Variants in DPP9 observed in about 807,000 individuals in gnomAD.
The protein encoded by DPP9 is dipeptidyl peptidase 9.
Under a neutral mutation model 110.7 loss-of-function variants are expected in DPP9, and 50 were observed. That is an observed-to-expected ratio of 0.45 (90% CI 0.36 to 0.57). DPP9 has a LOEUF of 0.57. DPP9 is among the 20% of genes least tolerant of loss of function. The probability of loss-of-function intolerance (pLI) is 0.00; values close to 1 mark genes in which losing one functional copy is unlikely to be tolerated. For missense variants in DPP9, 1,022 were observed against 1,217.9 expected (o/e 0.84, Z 2.39); for synonymous variants, 561 against 514.4 (o/e 1.09, Z -1.23).
chr19:4,689,573 G>A lies in DPP9; in HGVS notation c.1746C>T (p.Ser582=). 6.4e-7 allele frequency: 1 copy of A among 1,560,464 alleles called. No homozygotes were observed. Among genetic ancestry groups the A allele is most frequent in the Non-Finnish European group, 8.7e-7 (1 of 1,155,560 alleles). ...TPGFSHSCSM[S]QNFDMFVSHY... is the part of the protein sequence containing the mutation. ...CCGTGAGGCTGGGCGGTCCCACCTGGCTCATGGAGCAGCTATGGGAGAAGC... is the reference window on the plus strand; with the variant it reads ...CCGTGAGGCTGGGCGGTCCCACCTGACTCATGGAGCAGCTATGGGAGAAGC... The change falls in exon 15 of 22, where the codon AGC becomes AGT. Residue 582 remains serine (S), a synonymous_variant. Transcript: ENST00000262960. This position sits in a 1 kb window ranked among gnomAD's most constrained non-coding sequence, Gnocchi z 7.0.
chr19:4,697,907 G>C (rs1249493812), intron 10 of DPP9, among the ~76,000 whole-genome samples: 1 of 152,182 alleles, frequency 6.6e-6, no homozygotes, highest in Non-Finnish European at 1.5e-5. Flanking sequence ...CATAGACATA[G>C]ACACATAGAG....
chr19:4,682,910 C>T lies in DPP9; in HGVS notation c.2332-72G>A. On this transcript the variant is annotated intron_variant, in intron 19 of 21. Transcript: ENST00000262960. This position sits in a 1 kb window ranked among gnomAD's most constrained non-coding sequence, Gnocchi z 7.1. The stretch of plus-strand genomic sequence containing the variant: ...AGGCGTCGGGTCCTACAGCCAGCAT[C>T]AGCCGCTGTCCCGGGGCCGCCCTGG... 3 of 1,540,592 alleles carry T rather than the reference C, an allele frequency of 1.9e-6. No homozygotes were observed. Among genetic ancestry groups the T allele is most frequent in the Non-Finnish European group, 1.7e-6 (2 of 1,146,716 alleles).
intron 4 of DPP9, among the ~76,000 whole-genome samples, chr19:4,708,419 G>C (rs530084345): frequency 2.0e-5 from 3 of 152,198 alleles, no homozygotes; most frequent in Non-Finnish European, 4.4e-5. Context: ...GGACGGTTCA[G>C]GGCACTCCCT....
rs1449029569 is a variant in DPP9 at position 4,710,466 on chromosome 19, C to G, written c.313+3615G>C. ...TGCAGTCTGAGGCCTGGAACCTGAG[C>G]CGGCCCCAGCCCATCTTCCCAGCAG... is the stretch of plus-strand genomic sequence containing the variant. On this transcript the variant is annotated intron_variant, in intron 4 of 21. Transcript: ENST00000262960. This position sits in a 1 kb window ranked among gnomAD's most constrained non-coding sequence, Gnocchi z 5.6. Among the ~76,000 whole-genome samples the G allele has an allele frequency of 6.6e-6, 1 of 152,190 alleles. No individual in the cohort carries two copies. The highest frequency in any genetic ancestry group is 2.4e-5 in the African/African-American group (1 of 41,446).
At position 4,700,189 on chromosome 19, in the gene DPP9, T is replaced by G; in HGVS notation, c.1074+27A>C. The stretch of plus-strand genomic sequence containing the variant: ...CCCTTCCCCGCATCATCTAGTAGAT[T>G]ATCTGGTATGCAGCAGGCCCCCTTA... On this transcript the variant is annotated intron_variant, in intron 10 of 21. Coordinates refer to ENST00000262960, the MANE Select transcript of DPP9 (RefSeq NM_139159.5). This position sits in a 1 kb window ranked among gnomAD's most constrained non-coding sequence, Gnocchi z 4.3. 6.5e-7 allele frequency: 1 copy of G among 1,526,824 alleles called. No individual in the cohort carries two copies. The highest frequency in any genetic ancestry group is 1.2e-5 in the South Asian group (1 of 82,644). The allele number at this position is 1,526,824 out of a possible 1,614,324, so 94.6% of individuals were successfully genotyped here.
At position 4,689,267 on chromosome 19, in the gene DPP9, A is replaced by G. The variant is rs997680082; in HGVS notation, c.1749+303T>C. 6.6e-6 allele frequency among the ~76,000 whole-genome samples: 1 copy of G among 152,154 alleles called. No individual in the cohort carries two copies. The highest frequency in any genetic ancestry group is 1.5e-5 in the Non-Finnish European group (1 of 68,008). ...GCCCTCTGCATGGCCACCGCCTGAC[A>G]TTCTAGAATGTTCTGAGAGGCTAAG... On this transcript the variant is annotated intron_variant, in intron 15 of 21. Transcript: ENST00000262960. The surrounding 1 kb of genome is among the most constrained non-coding windows in gnomAD (Gnocchi z 7.0).
rs2090486199 is a variant in DPP9, at chr19:4,685,028, G to A, written c.2032-219C>T. On this transcript the variant is annotated intron_variant, in intron 17 of 21. Coordinates refer to ENST00000262960, the MANE Select transcript of DPP9 (RefSeq NM_139159.5). The surrounding 1 kb of genome is among the most constrained non-coding windows in gnomAD (Gnocchi z 5.8). Reference sequence around the variant, plus strand: ...AGGGAGGGGGAAGGGCCACTGTCAGGCTCTTTCTCAGCTGGGCCACTGCCC... The same window carrying A: ...AGGGAGGGGGAAGGGCCACTGTCAGACTCTTTCTCAGCTGGGCCACTGCCC... 2 of 688,440 alleles carry A rather than the reference G, an allele frequency of 2.9e-6. No homozygotes were observed. The highest frequency in any genetic ancestry group is 1.5e-5 in the South Asian group (1 of 66,658). The allele number at this position is 688,440 out of a possible 1,614,324, so 42.6% of individuals were successfully genotyped here. A position where few individuals can be genotyped will look rare whatever the true frequency, so the allele number is the denominator to read the frequency against.
intron 11 of DPP9, 90 bp downstream of exon 11, chr19:4,697,461 G>A: frequency 1.8e-6 from 2 of 1,097,372 alleles, no homozygotes; most frequent in Non-Finnish European, 2.7e-6. Flanking sequence ...TGGAAGGAAT[G>A]GCACGGAAGG....
chr19:4,712,980 C>T (rs998561126), intron 4 of DPP9, among the ~76,000 whole-genome samples: 27 of 152,216 alleles, frequency 1.8e-4, no homozygotes, highest in Non-Finnish European at 3.5e-4. Flanking sequence ...CCATGAGTCC[C>T]ATGGATGAGT....
rs370550788 is a variant in DPP9 at position 4,713,879 on chromosome 19, C to T, written c.313+202G>A. On this transcript the variant is annotated intron_variant, in intron 4 of 21. Coordinates refer to ENST00000262960, the MANE Select transcript of DPP9 (RefSeq NM_139159.5). ...ATGGCTCCCTGCACGGCTGACCCTCCGGGGGCCGCCCCACCCACCCCGCGG... is the reference window on the plus strand; with the variant it reads ...ATGGCTCCCTGCACGGCTGACCCTCTGGGGGCCGCCCCACCCACCCCGCGG... Among the ~76,000 whole-genome samples the T allele has an allele frequency of 2.1e-4, 32 of 152,180 alleles. No individual in the cohort carries two copies. In the East Asian group the frequency reaches 5.0e-3, roughly 24 times the overall value.
intron 5 of DPP9, among the ~76,000 whole-genome samples, chr19:4,705,508 T>G (rs1422287686): frequency 6.6e-6 from 1 of 152,200 alleles, no homozygotes; most frequent in Non-Finnish European, 1.5e-5. Context: ...AACACGCCAA[T>G]CAATGCAAAA....
Position 4,693,838 on chromosome 19 carries a change from C to G in DPP9, c.1516+823G>C, listed in dbSNP as rs1052489429. Among the ~76,000 whole-genome samples, 1 of 152,170 alleles carries G rather than the reference C, an allele frequency of 6.6e-6. No homozygotes were observed. The highest frequency in any genetic ancestry group is 2.1e-4 in the South Asian group (1 of 4,824). On this transcript the variant is annotated intron_variant, in intron 13 of 21. Transcript: ENST00000262960. This position sits in a 1 kb window ranked among gnomAD's most constrained non-coding sequence, Gnocchi z 5.0. ...CCCACCCTCTCCTCCCTCTCTCCCCCTCCTCCCTGTGCTCCAGCCACAGGG... is the reference window on the plus strand; with the variant it reads ...CCCACCCTCTCCTCCCTCTCTCCCCGTCCTCCCTGTGCTCCAGCCACAGGG...
At chr19:4,688,663 C>G in intron 16 of DPP9, 94 bp downstream of exon 16, 2 of 1,339,316 alleles carry the variant, frequency 1.5e-6, no homozygotes, top group African/African-American at 3.1e-5. Context: ...AGGCCAGCTC[C>G]AGGCCTCTGC....
At chr19:4,697,267 C>T (rs1311883356) in intron 11 of DPP9, among the ~76,000 whole-genome samples, 2 of 152,148 alleles carry the variant, frequency 1.3e-5, no homozygotes, top group African/African-American at 4.8e-5. Context: ...CTGGGGACAC[C>T]TGAAATCCCC....
chr19:4,705,031 C>T (rs2092509835), intron 5 of DPP9, among the ~76,000 whole-genome samples: 2 of 152,046 alleles, frequency 1.3e-5, no homozygotes, highest in Admixed American at 1.3e-4. Flanking sequence ...CAAAATTACC[C>T]CTACACTCTG....
In DPP9 at chr19:4,700,810, A is replaced by G. The variant is rs918025951; in HGVS notation, c.1013-533T>C. The stretch of plus-strand genomic sequence containing the variant: ...AGAGTGGGACTTAGTTCAGGCTCCG[A>G]AAGAGGGCGCGGGCCACAGCAGAGC... On this transcript the variant is annotated intron_variant, in intron 9 of 21. Coordinates refer to ENST00000262960, the MANE Select transcript of DPP9 (RefSeq NM_139159.5). The surrounding 1 kb of genome is among the most constrained non-coding windows in gnomAD (Gnocchi z 4.3). 5.3e-5 allele frequency among the ~76,000 whole-genome samples: 8 copies of G among 152,310 alleles called. No individual in the cohort carries two copies. Among genetic ancestry groups the G allele is most frequent in the South Asian group, 2.1e-4 (1 of 4,828 alleles).
chr19:4,695,044 T>C lies in DPP9; in HGVS notation c.1354-221A>G. 1.6e-6 allele frequency: 1 copy of C among 606,238 alleles called. No homozygotes were observed. The highest frequency in any genetic ancestry group is 2.0e-5 in the South Asian group (1 of 48,858). The allele number at this position is 606,238 out of a possible 1,614,324, so 37.6% of individuals were successfully genotyped here. A position where few individuals can be genotyped will look rare whatever the true frequency, so the allele number is the denominator to read the frequency against. ...TGCAGGCTTGTGGTCCTAGCTACTC[T>C]GGAGGCTGAGGTGGGAGGATCACTT... is the stretch of plus-strand genomic sequence containing the variant. On this transcript the variant is annotated intron_variant, in intron 12 of 21. Coordinates refer to ENST00000262960, the MANE Select transcript of DPP9 (RefSeq NM_139159.5). This position sits in a 1 kb window ranked among gnomAD's most constrained non-coding sequence, Gnocchi z 4.7.
At chr19:4,708,786 G>C (rs530737368) in intron 4 of DPP9, among the ~76,000 whole-genome samples, 1 of 152,168 alleles carries the variant, frequency 6.6e-6, no homozygotes, top group Non-Finnish European at 1.5e-5. Context: ...CCTATTGGAG[G>C]GTGGAGGGTG....
chr19:4,710,468 G>A lies in DPP9; in HGVS notation c.313+3613C>T, dbSNP rs151131185. On this transcript the variant is annotated intron_variant, in intron 4 of 21. Transcript: ENST00000262960. This position sits in a 1 kb window ranked among gnomAD's most constrained non-coding sequence, Gnocchi z 5.6. ...CAGTCTGAGGCCTGGAACCTGAGCC[G>A]GCCCCAGCCCATCTTCCCAGCAGCA... Among the ~76,000 whole-genome samples, 335 of 152,300 alleles carry A rather than the reference G, an allele frequency of 2.2e-3. No individual in the cohort carries two copies. Among genetic ancestry groups the A allele is most frequent in the Non-Finnish European group, 4.0e-3 (269 of 68,014 alleles).
Sources: allele counts gnomAD v4.1 joint callset (sites outside exome capture counted in the v4.1 genomes callset), GRCh38; gene constraint gnomAD v4.1.1; non-coding constraint Gnocchi (gnomAD v3.1); transcripts MANE v1.5; gene names NCBI Gene and HGNC (gene_info 2026-07-23, HGNC 2026-07-21).